NTRK2: variants seen among roughly 807,000 people sequenced by gnomAD.
The protein encoded by NTRK2 is BDNF/NT-3 growth factors receptor.
In NTRK2, 13 loss-of-function variants were observed where a neutral mutation model predicts 94.5. The observed-to-expected ratio is 0.14, with a 90% CI of 0.09 to 0.22. NTRK2 has a LOEUF of 0.22. NTRK2 is among the 10% of genes least tolerant of loss of function. NTRK2 has a pLI of 1.00. For missense variants in NTRK2, 639 were observed against 1,071.2 expected (o/e 0.60, Z 5.63); for synonymous variants, 372 against 407.4 (o/e 0.91, Z 1.05).
At chr9:84,709,627 C>G (rs2061310391) in intron 5 of NTRK2, among the ~76,000 whole-genome samples, 1 of 152,144 alleles carries the variant, frequency 6.6e-6, no homozygotes, top group Admixed American at 6.5e-5. Context: ...AATGATGTTG[C>G]AAAGCCCAGG....
intron 14 of NTRK2, among the ~76,000 whole-genome samples, chr9:84,868,618 A>G (rs2132075039): frequency 6.6e-6 from 1 of 152,290 alleles, no homozygotes; most frequent in South Asian, 2.1e-4. Context: ...CCTTGAAATA[A>G]AAGGTATTAG....
chr9:84,699,587 T>C (rs2060592740), intron 2 of NTRK2, among the ~76,000 whole-genome samples: 1 of 152,070 alleles, frequency 6.6e-6, no homozygotes, highest in Non-Finnish European at 1.5e-5. Flanking sequence ...GAATTTACCA[T>C]TGACCAAATT....
At chr9:84,706,652 C>T (rs1213763718) in intron 4 of NTRK2, among the ~76,000 whole-genome samples, 1 of 151,086 alleles carries the variant, frequency 6.6e-6, no homozygotes, top group Non-Finnish European at 1.5e-5. Context: ...GCCTCAGCCT[C>T]CCCAGTAGTT....
At chr9:85,018,287 A>G (rs775128893) in intron 17 of NTRK2, among the ~76,000 whole-genome samples, 6 of 152,240 alleles carry the variant, frequency 3.9e-5, no homozygotes, top group Non-Finnish European at 7.3e-5. Context: ...ACCATATGGT[A>G]CATTCCAATT....
chr9:84,843,391 T>G (rs2074293098), intron 12 of NTRK2, among the ~76,000 whole-genome samples: 1 of 152,202 alleles, frequency 6.6e-6, no homozygotes, highest in Admixed American at 6.5e-5. Flanking sequence ...CAGGCCTTTC[T>G]CACCTTTCAC....
intron 4 of NTRK2, among the ~76,000 whole-genome samples, chr9:84,707,331 A>C (rs924308011): frequency 6.6e-6 from 1 of 152,308 alleles, no homozygotes; most frequent in African/African-American, 2.4e-5. Flanking sequence ...ATATGTAAAC[A>C]ATCTCAGTAG....
intron 15 of NTRK2, among the ~76,000 whole-genome samples, chr9:84,941,209 C>T (rs1201491467): frequency 6.6e-6 from 1 of 152,094 alleles, no homozygotes; most frequent in Non-Finnish European, 1.5e-5. Context: ...TACATTCTTT[C>T]CTGGTGTGCA....
chr9:84,895,223 G>T (rs1024718111), intron 14 of NTRK2, among the ~76,000 whole-genome samples: 1 of 152,076 alleles, frequency 6.6e-6, no homozygotes, highest in Non-Finnish European at 1.5e-5. Flanking sequence ...CAATTATTTG[G>T]GTACAGAGAT....
chr9:84,908,618 T>C (rs1251776713), intron 14 of NTRK2, among the ~76,000 whole-genome samples: 1 of 152,180 alleles, frequency 6.6e-6, no homozygotes, highest in African/African-American at 2.4e-5. Flanking sequence ...TCAACAAACA[T>C]TTATTGAGCA....
intron 14 of NTRK2, among the ~76,000 whole-genome samples, chr9:84,898,163 C>T (rs1487967342): frequency 1.3e-5 from 2 of 151,050 alleles, no homozygotes; most frequent in Admixed American, 6.6e-5. Context: ...TGATGAGATT[C>T]ATTATAACCA....
At chr9:84,763,268 A>G (rs1258377163) in intron 12 of NTRK2, among the ~76,000 whole-genome samples, 1 of 152,120 alleles carries the variant, frequency 6.6e-6, no homozygotes, top group Non-Finnish European at 1.5e-5. Context: ...AGTCTGAGTC[A>G]GGGCTCTGTG....
At chr9:84,808,965 G>A (rs1564324621) in intron 12 of NTRK2, among the ~76,000 whole-genome samples, 1 of 152,148 alleles carries the variant, frequency 6.6e-6, no homozygotes, top group Non-Finnish European at 1.5e-5. Flanking sequence ...TTCCAAAGTT[G>A]AACTTGAAAA....
chr9:84,949,445 G>GATTGATTT (rs1242496407), intron 16 of NTRK2, among the ~76,000 whole-genome samples: 4 of 147,902 alleles, frequency 2.7e-5, no homozygotes, highest in African/African-American at 1.0e-4. Flanking sequence ...GATTGGTTGG[G>GATTGATTT]ATTTATTTAT....
chr9:85,019,194 CTA>C (rs547102521), intron 17 of NTRK2, among the ~76,000 whole-genome samples: 3 of 152,162 alleles, frequency 2.0e-5, no homozygotes, highest in Non-Finnish European at 2.9e-5. Flanking sequence ...GGCAGAAACT[CTA>C]TGCACCATTA....
intron 14 of NTRK2, among the ~76,000 whole-genome samples, chr9:84,882,515 G>C (rs1212688297): frequency 6.6e-6 from 1 of 152,160 alleles, no homozygotes; most frequent in Non-Finnish European, 1.5e-5. Flanking sequence ...TTTATTTGTG[G>C]CTTTGCTCAG....
Position 84,919,649 on chromosome 9 carries a change from G to A in NTRK2, c.1634-14513G>A, listed in dbSNP as rs374653334. Among the ~76,000 whole-genome samples, 3 of 152,234 alleles carry A rather than the reference G, an allele frequency of 2.0e-5. No individual in the cohort carries two copies. The East Asian group carries it at 5.8e-4, about 29-fold the overall frequency. ...TACTTTATGAGCCTTCAAGTGCTGC[G>A]AGAACAGAAGGCCCCATTATTATTG... On this transcript the variant is annotated intron_variant, in intron 14 of 18. Transcript: ENST00000277120.
intron 9 of NTRK2, among the ~76,000 whole-genome samples, chr9:84,735,808 T>G (rs2063217817): frequency 6.6e-6 from 1 of 152,212 alleles, no homozygotes; most frequent in Non-Finnish European, 1.5e-5. Context: ...TCATTGAAAT[T>G]CAATCCTCCA....
intron 12 of NTRK2, among the ~76,000 whole-genome samples, chr9:84,764,681 C>T (rs1290145135): frequency 6.6e-6 from 1 of 152,162 alleles, no homozygotes; most frequent in African/African-American, 2.4e-5. Flanking sequence ...AATTGAGCTA[C>T]CATGTGATCC....
intron 14 of NTRK2, among the ~76,000 whole-genome samples, chr9:84,932,658 G>A (rs2078078587): frequency 1.3e-5 from 2 of 152,194 alleles, no homozygotes; most frequent in South Asian, 4.1e-4. Flanking sequence ...GAGATATTTA[G>A]GGCTCGGTCT....
Sources: gnomAD v4.1 joint callset for allele counts (sites outside exome capture counted in the v4.1 genomes callset) on GRCh38, gnomAD v4.1.1 for gene constraint, MANE v1.5 for transcripts, NCBI Gene and HGNC (gene_info 2026-07-23, HGNC 2026-07-21) for gene names.